The following F7 variants were observed in gnomAD, a reference collection of about 807,000 sequenced individuals.
F7 encodes the protein FVII coagulation protein.
Under a neutral mutation model 47.5 loss-of-function variants are expected in F7, and 38 were observed. The ratio of observed to expected loss-of-function variants is 0.80; its 90% CI spans 0.62 to 1.05. F7 has a LOEUF of 1.05. Among genes scored for constraint, F7 ranks in the 50% least tolerant of loss-of-function variants. The pLI is 0.00. For missense variants in F7, 575 were observed against 605.4 expected, an observed-to-expected ratio of 0.95 and a Z score of 0.53; for synonymous variants, 244 against 258.5, an observed-to-expected ratio of 0.94 and a Z score of 0.54.
rs2036262366 is a variant in F7 at position 113,119,478 on chromosome 13, T to A, written c.*470T>A. On this transcript the variant is annotated 3_prime_UTR_variant, in exon 8 of 8. Transcript: ENST00000346342. ...ATGGATGCACACACACACACGCCAA[T>A]GCACACACACAGAGATATGCACACA... The A allele has an allele frequency of 4.9e-6, 1 of 202,890 alleles. No homozygotes were observed. The highest frequency in any genetic ancestry group is 2.3e-5 in the African/African-American group (1 of 42,834). The allele number at this position is 202,890 out of a possible 1,614,324, so 12.6% of individuals were successfully genotyped here.
chr13:113,111,677 T>C (rs1426611404), intron 2 of F7, among the ~76,000 whole-genome samples: 2 of 66,720 alleles, frequency 3.0e-5, no homozygotes, highest in Non-Finnish European at 5.8e-5. Flanking sequence ...ACAAGACACC[T>C]CACACGGGGC....
chr13:113,112,820 C>A (rs1292762541), intron 2 of F7, among the ~76,000 whole-genome samples: 1 of 150,406 alleles, frequency 6.6e-6, no homozygotes, highest in East Asian at 2.0e-4. Context: ...CTTACTCTCA[C>A]AGGACACCTC....
At chr13:113,114,465 C>G (rs1016462606) in intron 4 of F7, 1 of 193,294 alleles carries the variant, frequency 5.2e-6, no homozygotes, top group East Asian at 1.3e-4. Context: ...CCGTTTATTA[C>G]AGCAAAGGAT....
chr13:113,114,057 G>A (rs1042424212), intron 4 of F7, 97 bp downstream of exon 4: 1 of 1,330,890 alleles, frequency 7.5e-7, no homozygotes, highest in Non-Finnish European at 1.1e-6. Context: ...AACCTGGTGG[G>A]GTGTGTAGGC....
intron 2 of F7, among the ~76,000 whole-genome samples, chr13:113,112,751 G>A (rs368121754): frequency 1.4e-5 from 2 of 143,102 alleles, no homozygotes; most frequent in Non-Finnish European, 1.5e-5. Context: ...ACACCCACAG[G>A]ACACCTCACA....
rs1254285816 is a variant in F7 at position 113,113,514 on chromosome 13, C to T, written c.226-238C>T. Among the ~76,000 whole-genome samples the T allele has an allele frequency of 7.9e-5, 12 of 152,210 alleles. No individual in the cohort carries two copies. Among genetic ancestry groups the T allele is most frequent in the Non-Finnish European group, 1.5e-5 (1 of 68,048 alleles). ...CGACAGAAGAGTCAGGGTTGAACCT[C>T]GGGTGTTCTGACTTGGGAGCAGGAA... On this transcript the variant is annotated intron_variant, in intron 2 of 7. Coordinates refer to ENST00000346342, the MANE Select transcript of F7 (RefSeq NM_019616.4). The surrounding 1 kb of genome is among the most constrained non-coding windows in gnomAD (Gnocchi z 4.1).
intron 2 of F7, among the ~76,000 whole-genome samples, chr13:113,111,396 TCACCTCACACTCACAGGA>T (rs61727662): frequency 0.095 from 11,325 of 118,842 alleles, 902 homozygotes; most frequent in African/African-American, 0.22. Context: ...CACTCACAGG[TCACCTCACACTCACAGGA>T]CACCTCACAC....
At chr13:113,114,381 C>T (rs1471371408) in intron 4 of F7, among the ~76,000 whole-genome samples, 2 of 152,022 alleles carry the variant, frequency 1.3e-5, no homozygotes, top group East Asian at 1.9e-4. Context: ...GTTTGAGGCC[C>T]CCAACCTCCC....
chr13:113,117,437 C>CA, intron 6 of F7, 36 bp from the exon 7 acceptor site: 1 of 1,611,428 alleles, frequency 6.2e-7, no homozygotes, highest in Non-Finnish European at 8.5e-7. Flanking sequence ...ACAATGACAG[C>CA]AATGTGACTT....
chr13:113,110,810 T>C lies in F7; in HGVS notation c.185T>C (p.Phe62Ser), dbSNP rs2036077301. 1 of 1,558,604 alleles carries C rather than the reference T, an allele frequency of 6.4e-7. No individual in the cohort carries two copies. The change falls in exon 2 of 8, where the codon TTC becomes TCC. Residue 62 changes from phenylalanine (F) to serine (S), a missense_variant. By Grantham distance (155) the Phe-to-Ser change is radical. Coordinates refer to ENST00000346342, the MANE Select transcript of F7 (RefSeq NM_019616.4). ...ERECKEEQCS[F>S]EEAREIFKDA... The stretch of plus-strand genomic sequence containing the variant: ...GAGTGCAAGGAGGAGCAGTGCTCCT[T>C]CGAGGAGGCCCGGGAGATCTTCAAG...
rs186254984 is a variant in F7 at position 113,108,964 on chromosome 13, G to A, written c.65-1726G>A. ...GGGGGCGTGGGTGTCCCGGGAGCGT[G>A]GGTGTCCCAGGGGTGTGGGTGTCCC... On this transcript the variant is annotated intron_variant, in intron 1 of 7. Transcript: ENST00000346342. 5.8e-4 allele frequency among the ~76,000 whole-genome samples: 35 copies of A among 60,560 alleles called. 6 individuals carry two copies. Among genetic ancestry groups the A allele is most frequent in the Non-Finnish European group, 5.3e-4 (15 of 28,342 alleles). 39.7% of individuals were successfully genotyped at this position (60,560 alleles called of 152,430 possible). A position where few individuals can be genotyped will look rare whatever the true frequency, so the allele number is the denominator to read the frequency against.
chr13:113,110,905 C>T, intron 2 of F7, 55 bp downstream of exon 2: 1 of 1,533,630 alleles, frequency 6.5e-7, no homozygotes, highest in Admixed American at 2.0e-5. Context: ...GGCGGTGAAC[C>T]AGGCCGCGTG....
chr13:113,115,649 C>T lies in F7; in HGVS notation c.365-11C>T. On this transcript the variant is annotated splice_polypyrimidine_tract_variant and intron_variant, in intron 4 of 7. Transcript: ENST00000346342. Reference sequence around the variant, plus strand: ...GAAGCCCCTCTCAGGGTGTCCCCTTCCTGTCCCCAGACAAGGATGACCAGC... The same window carrying T: ...GAAGCCCCTCTCAGGGTGTCCCCTTTCTGTCCCCAGACAAGGATGACCAGC... The T allele has an allele frequency of 1.2e-6, 2 of 1,612,140 alleles. No homozygotes were observed. The highest frequency in any genetic ancestry group is 1.7e-6 in the Non-Finnish European group (2 of 1,179,636).
chr13:113,117,393 C>G (rs2142228816), intron 6 of F7, 80 bp from the exon 7 acceptor site: 1 of 1,594,494 alleles, frequency 6.3e-7, no homozygotes, highest in South Asian at 1.1e-5. Context: ...CCAGAGGTTC[C>G]TTGGCATGCC....
intron 4 of F7, 121 bp downstream of exon 4, chr13:113,114,081 C>T: frequency 9.6e-7 from 1 of 1,038,734 alleles, no homozygotes; most frequent in Non-Finnish European, 1.4e-6. Context: ...GCATTCAGGG[C>T]TCAGCCCCAG....
intron 1 of F7, among the ~76,000 whole-genome samples, chr13:113,107,984 C>T (rs1184248237): frequency 4.9e-5 from 2 of 40,566 alleles, no homozygotes; most frequent in African/African-American, 8.5e-5. Context: ...GTGGGTGTTC[C>T]GGAGGTGAGG....
At chr13:113,106,972 C>G in intron 1 of F7, 1 of 1,531,502 alleles carries the variant, frequency 6.5e-7, no homozygotes, top group Non-Finnish European at 8.9e-7. Context: ...TCACCTCCTT[C>G]CCCTCCCATG....
intron 4 of F7, among the ~76,000 whole-genome samples, chr13:113,115,079 G>A (rs2036170621): frequency 6.6e-6 from 1 of 152,242 alleles, no homozygotes; most frequent in Admixed American, 6.5e-5. Flanking sequence ...TGTGCATCCT[G>A]CAGGGCAGGC....
chr13:113,114,447 C>CA (rs1175327486), intron 4 of F7: 1 of 215,124 alleles, frequency 4.6e-6, no homozygotes, highest in Non-Finnish European at 9.4e-6. Context: ...TGGATACACT[C>CA]ACAGGTACCG....
Sources: gnomAD v4.1 joint callset for allele counts (sites outside exome capture counted in the v4.1 genomes callset) on GRCh38, gnomAD v4.1.1 for gene constraint, Gnocchi (gnomAD v3.1) non-coding constraint, MANE v1.5 for transcripts, NCBI Gene and HGNC (gene_info 2026-07-23, HGNC 2026-07-21) for gene names.